The following JARID2 variants were observed in gnomAD, a reference collection of about 807,000 sequenced individuals.
The protein encoded by JARID2 is protein Jumonji.
In JARID2, 21 loss-of-function variants were observed where a neutral mutation model predicts 125.6. The observed-to-expected ratio is 0.17, with a 90% confidence interval of 0.12 to 0.24. The LOEUF is 0.24. Ranked by LOEUF, JARID2 falls within the 10% of genes least tolerant of loss-of-function variation. The probability of loss-of-function intolerance (pLI) is 1.00; values close to 1 mark genes in which losing one functional copy is unlikely to be tolerated. For synonymous variants in JARID2, 736 were observed against 661.6 expected, an observed-to-expected ratio of 1.11 and a Z score of -1.73; for missense variants, 1,303 against 1,639.6, an observed-to-expected ratio of 0.79 and a Z score of 3.55.
Position 15,400,496 on chromosome 6 carries a change from A to G in JARID2, c.182-9728A>G, listed in dbSNP as rs114745657. On this transcript the variant is annotated intron_variant, in intron 2 of 17. Transcript: ENST00000341776. ...CTGTGGGGGTGGGGTGTGCTTGGCA[A>G]TGGGGTGGGGGCATCTGACCGGCTG... Among the ~76,000 whole-genome samples the G allele has an allele frequency of 7.8e-3, 1,107 of 142,480 alleles. 14 individuals are homozygous for G. The highest frequency in any genetic ancestry group is 0.027 in the African/African-American group (1,048 of 39,128). The allele number at this position is 142,480 out of a possible 152,430, so 93.5% of individuals were successfully genotyped here. A position where few individuals can be genotyped will look rare whatever the true frequency, so the allele number is the denominator to read the frequency against.
intron 1 of JARID2, among the ~76,000 whole-genome samples, chr6:15,358,169 C>A (rs1005494061): frequency 6.6e-6 from 1 of 152,136 alleles, no homozygotes; most frequent in African/African-American, 2.4e-5. Context: ...GTTTGTCAAA[C>A]CCCAACTAGC....
chr6:15,276,520 G>A (rs776814970), intron 1 of JARID2, among the ~76,000 whole-genome samples: 1 of 152,158 alleles, frequency 6.6e-6, no homozygotes, highest in Non-Finnish European at 1.5e-5. Flanking sequence ...TTTACTACTG[G>A]AATAGTCCTT....
intron 6 of JARID2, among the ~76,000 whole-genome samples, chr6:15,495,660 C>T (rs1374645846): frequency 6.6e-6 from 1 of 152,152 alleles, no homozygotes; most frequent in African/African-American, 2.4e-5. Flanking sequence ...ATGTGGAGCA[C>T]AGAAATAGCA....
At chr6:15,255,849 T>TA (rs1759644139) in intron 1 of JARID2, among the ~76,000 whole-genome samples, 1 of 152,214 alleles carries the variant, frequency 6.6e-6, no homozygotes. Flanking sequence ...TTACTGCTAC[T>TA]AAATGGACCT....
chr6:15,497,209 T>C, intron 7 of JARID2, 39 bp downstream of exon 7: 1 of 1,429,064 alleles, frequency 7.0e-7, no homozygotes, highest in Non-Finnish European at 9.5e-7. Context: ...GTGCCTGCCC[T>C]CCTGCCCCCA....
intron 2 of JARID2, among the ~76,000 whole-genome samples, chr6:15,408,745 T>C (rs1397120357): frequency 1.3e-5 from 2 of 152,206 alleles, no homozygotes; most frequent in African/African-American, 4.8e-5. Context: ...CTGGGCATAT[T>C]TCAGGTGATC....
chr6:15,494,583 T>C (rs1770317850), intron 6 of JARID2, among the ~76,000 whole-genome samples: 1 of 152,084 alleles, frequency 6.6e-6, no homozygotes, highest in African/African-American at 2.4e-5. Flanking sequence ...TAATTTTTTG[T>C]ATTTTTAGTA....
intron 5 of JARID2, among the ~76,000 whole-genome samples, chr6:15,477,525 T>C (rs1286301045): frequency 8.4e-6 from 1 of 118,462 alleles, no homozygotes; most frequent in African/African-American, 3.2e-5. Context: ...TTTTTTTTTT[T>C]AAGAGCTGTA....
chr6:15,335,902 G>A lies in JARID2; in HGVS notation c.46-38215G>A, dbSNP rs1762860544. 2.6e-5 allele frequency among the ~76,000 whole-genome samples: 4 copies of A among 152,004 alleles called. No homozygotes were observed. The South Asian group carries it at 8.3e-4, about 32-fold the overall frequency. ...ACCCAGGAATTTGAGACCAGTCTGG[G>A]CAAAACCCCATCTCTATACACAACA... On this transcript the variant is annotated intron_variant, in intron 1 of 17. Coordinates refer to ENST00000341776, the MANE Select transcript of JARID2 (RefSeq NM_004973.4).
At chr6:15,476,093 C>A (rs1169516324) in intron 5 of JARID2, among the ~76,000 whole-genome samples, 2 of 152,198 alleles carry the variant, frequency 1.3e-5, no homozygotes, top group South Asian at 2.1e-4. Context: ...AATCTAGCAA[C>A]ATCTGTATCC....
At chr6:15,260,686 G>A (rs1418351528) in intron 1 of JARID2, among the ~76,000 whole-genome samples, 1 of 152,180 alleles carries the variant, frequency 6.6e-6, no homozygotes, top group Non-Finnish European at 1.5e-5. Context: ...AATACTGCAC[G>A]CTCTTCTGTA....
intron 3 of JARID2, among the ~76,000 whole-genome samples, chr6:15,433,410 C>CTCTCTCTGTG (rs1241800597): frequency 1.4e-5 from 2 of 143,428 alleles, no homozygotes; most frequent in African/African-American, 5.2e-5. Context: ...CCATGTCTCT[C>CTCTCTCTGTG]TGTGTGTGTG....
intron 2 of JARID2, among the ~76,000 whole-genome samples, chr6:15,397,817 T>C (rs1028373658): frequency 3.9e-5 from 6 of 152,224 alleles, no homozygotes; most frequent in Non-Finnish European, 8.8e-5. Context: ...AGAGAAACTC[T>C]AGTGCATGAT....
chr6:15,388,999 CG>C (rs1202639532), intron 2 of JARID2, among the ~76,000 whole-genome samples: 1 of 151,964 alleles, frequency 6.6e-6, no homozygotes, highest in Non-Finnish European at 1.5e-5. Flanking sequence ...ATCTTGGTGA[CG>C]GGGAAGGCCA....
At chr6:15,264,655 TA>T (rs1561755550) in intron 1 of JARID2, among the ~76,000 whole-genome samples, 1 of 129,122 alleles carries the variant, frequency 7.7e-6, no homozygotes, top group African/African-American at 2.8e-5. Context: ...GAGAGAGAGA[TA>T]GAGAGAGAGA....
intron 1 of JARID2, among the ~76,000 whole-genome samples, chr6:15,298,525 C>T (rs1198785998): frequency 6.6e-6 from 1 of 151,744 alleles, no homozygotes; most frequent in African/African-American, 2.4e-5. Context: ...AGGAAAAATA[C>T]AAAAATTAGC....
intron 5 of JARID2, among the ~76,000 whole-genome samples, chr6:15,483,870 G>T (rs1769741410): frequency 6.6e-6 from 1 of 152,120 alleles, no homozygotes; most frequent in Non-Finnish European, 1.5e-5. Flanking sequence ...TAGTGTGTGA[G>T]GGTTACAGTT....
chr6:15,340,504 C>T (rs1763031191), intron 1 of JARID2, among the ~76,000 whole-genome samples: 1 of 152,164 alleles, frequency 6.6e-6, no homozygotes, highest in African/African-American at 2.4e-5. Context: ...GATATGCCAA[C>T]CTTCAGGTTT....
intron 16 of JARID2, among the ~76,000 whole-genome samples, chr6:15,514,194 C>T (rs550571927): frequency 1.1e-4 from 17 of 152,376 alleles, no homozygotes; most frequent in African/African-American, 3.6e-4. Context: ...ATGCTTCTTC[C>T]AGTCTCCCCT....
Sources: allele counts gnomAD v4.1 joint callset (sites outside exome capture counted in the v4.1 genomes callset), GRCh38; gene constraint gnomAD v4.1.1; transcripts MANE v1.5; gene names NCBI Gene and HGNC (gene_info 2026-07-23, HGNC 2026-07-21).